The following GABRA3 variants were observed in gnomAD, a reference collection of about 807,000 sequenced individuals.
The protein encoded by GABRA3 is gamma-aminobutyric acid type A receptor subunit alpha3.
GABRA3 carries 10 observed loss-of-function variants against 30.1 expected under a neutral mutation model. That is an observed-to-expected ratio of 0.33 (90% CI 0.20 to 0.56). GABRA3 has a LOEUF of 0.56. GABRA3 is among the 20% of genes least tolerant of loss of function. The pLI, the probability that GABRA3 is intolerant of heterozygous loss-of-function variation, is 0.89. For synonymous variants in GABRA3, 151 were observed against 146.8 expected (o/e 1.03, Z -0.21); for missense variants, 233 against 392.0 (o/e 0.59, Z 3.42).
At chrX:152,330,521 A>C (rs1259714767) in intron 3 of GABRA3, among the ~76,000 whole-genome samples, 1 of 111,902 alleles carries the variant, frequency 8.9e-6, no homozygotes, top group Admixed American at 9.5e-5. Flanking sequence ...ATGCAGCCAT[A>C]AAAAACGATG....
intron 5 of GABRA3, among the ~76,000 whole-genome samples, chrX:152,232,874 T>C (rs183706745): frequency 9.0e-6 from 1 of 110,561 alleles, no homozygotes; most frequent in East Asian, 2.9e-4. Flanking sequence ...TATTTTTAGG[T>C]CTTTGAGAAA....
chrX:152,275,960 T>C (rs1483426731), intron 4 of GABRA3, among the ~76,000 whole-genome samples: 2 of 109,777 alleles, frequency 1.8e-5, no homozygotes, highest in Non-Finnish European at 3.8e-5. Context: ...CCCTGTAAAA[T>C]CCGATTTTTT....
intron 8 of GABRA3, among the ~76,000 whole-genome samples, chrX:152,192,937 C>G (rs920947880): frequency 9.8e-5 from 11 of 112,139 alleles, no homozygotes; most frequent in Non-Finnish European, 1.5e-4. Context: ...TTGGTCTTAA[C>G]TGAAACCTGA....
At chrX:152,364,306 A>G in intron 2 of GABRA3, 125 bp downstream of exon 2, 1 of 589,259 alleles carries the variant, frequency 1.7e-6, no homozygotes, top group Admixed American at 3.4e-5. Flanking sequence ...TTCTAAATAT[A>G]ATGTAATGTA....
At chrX:152,413,604 T>C (rs1184984880) in intron 1 of GABRA3, among the ~76,000 whole-genome samples, 1 of 111,373 alleles carries the variant, frequency 9.0e-6, no homozygotes, top group Non-Finnish European at 1.9e-5. Flanking sequence ...TACCTATACA[T>C]GATTTATAAA....
At chrX:152,381,924 C>T (rs2124507795) in intron 1 of GABRA3, among the ~76,000 whole-genome samples, 1 of 111,525 alleles carries the variant, frequency 9.0e-6, no homozygotes, top group Non-Finnish European at 1.9e-5. Context: ...TGCCTATGCG[C>T]CACATTTTCT....
chrX:152,445,327 G>A (rs1931061800), intron 1 of GABRA3, among the ~76,000 whole-genome samples: 1 of 110,708 alleles, frequency 9.0e-6, no homozygotes, highest in Non-Finnish European at 1.9e-5. Flanking sequence ...TTCAGAATGA[G>A]ATAATCACCT....
At chrX:152,412,839 A>C (rs1358183873) in intron 1 of GABRA3, among the ~76,000 whole-genome samples, 1 of 111,546 alleles carries the variant, frequency 9.0e-6, no homozygotes, top group Non-Finnish European at 1.9e-5. Context: ...CGTACACTTT[A>C]AAATGGTTTA....
At chrX:152,199,158 A>C (rs1603206829) in intron 7 of GABRA3, among the ~76,000 whole-genome samples, 1 of 110,667 alleles carries the variant, frequency 9.0e-6, no homozygotes, top group African/African-American at 3.3e-5. Context: ...CGAGGTCAGG[A>C]GATCGAGACC....
chrX:152,288,559 C>A (rs375470090), intron 3 of GABRA3, among the ~76,000 whole-genome samples: 1 of 112,178 alleles, frequency 8.9e-6, no homozygotes, highest in African/African-American at 3.2e-5. Flanking sequence ...CCCATAAGGC[C>A]AAATGGGCAG....
intron 8 of GABRA3, among the ~76,000 whole-genome samples, chrX:152,197,330 C>A (rs1308284810): frequency 1.8e-5 from 2 of 111,789 alleles, no homozygotes; most frequent in Admixed American, 9.5e-5. Flanking sequence ...CCTTTAACTT[C>A]TCCACTCTAT....
At chrX:152,295,883 C>T (rs1381915941) in intron 3 of GABRA3, among the ~76,000 whole-genome samples, 1 of 112,248 alleles carries the variant, frequency 8.9e-6, no homozygotes, top group Non-Finnish European at 1.9e-5. Context: ...TCACTGTACC[C>T]TATTAATTTT....
chrX:152,183,723 G>C (rs1412707077), intron 9 of GABRA3, among the ~76,000 whole-genome samples: 2 of 110,788 alleles, frequency 1.8e-5, no homozygotes, highest in East Asian at 5.6e-4. Context: ...AACTGCTTTG[G>C]CTGCAACTCA....
chrX:152,215,479 T>C (rs756902156), intron 6 of GABRA3, among the ~76,000 whole-genome samples: 2 of 111,394 alleles, frequency 1.8e-5, no homozygotes, highest in East Asian at 2.8e-4. Context: ...TTTTCAACCA[T>C]TTTTGCATCC....
intron 1 of GABRA3, among the ~76,000 whole-genome samples, chrX:152,450,179 C>T (rs944228225): frequency 9.1e-6 from 1 of 110,150 alleles, no homozygotes; most frequent in East Asian, 2.9e-4. Flanking sequence ...CCAAACTACT[C>T]ACGTTAGTAA....
intron 2 of GABRA3, among the ~76,000 whole-genome samples, chrX:152,352,701 T>A (rs185111409): frequency 1.9e-3 from 211 of 111,739 alleles, no homozygotes; most frequent in Non-Finnish European, 3.3e-3. Context: ...ATAATAAAAA[T>A]TCGGAATTAC....
chrX:152,392,088 C>A, intron 1 of GABRA3: 1 of 250,450 alleles, frequency 4.0e-6, no homozygotes, highest in East Asian at 1.1e-4. Context: ...GGATTTAAGT[C>A]CAAGCAGTGA....
At chrX:152,209,132 T>C (rs1453337558) in intron 6 of GABRA3, among the ~76,000 whole-genome samples, 2 of 112,373 alleles carry the variant, frequency 1.8e-5, no homozygotes, top group Non-Finnish European at 3.8e-5. Flanking sequence ...TCATAACTTA[T>C]TATCAGTTTG....
chrX:152,428,602 T>C (rs146556925), intron 1 of GABRA3, among the ~76,000 whole-genome samples: 2 of 111,412 alleles, frequency 1.8e-5, no homozygotes, highest in South Asian at 3.7e-4. Context: ...TGTTGTAGCA[T>C]AGATACTGCC....
Sources: allele counts gnomAD v4.1 joint callset (sites outside exome capture counted in the v4.1 genomes callset), GRCh38; gene constraint gnomAD v4.1.1; transcripts MANE v1.5; gene names NCBI Gene and HGNC (gene_info 2026-07-23, HGNC 2026-07-21).